The following ST13 variants were observed in gnomAD, a reference collection of about 807,000 sequenced individuals.
ST13 encodes the protein ST13 Hsp70 interacting protein, also known as hsc70-interacting protein.
In ST13, 23 loss-of-function variants were observed where a neutral mutation model predicts 56.7. The ratio of observed to expected loss-of-function variants is 0.41; its 90% CI spans 0.29 to 0.57. ST13 has a LOEUF of 0.57. Among genes scored for constraint, ST13 ranks in the 20% least tolerant of loss-of-function variants. The pLI, the probability that ST13 is intolerant of heterozygous loss-of-function variation, is 0.36. For synonymous variants in ST13, 132 were observed against 142.4 expected (o/e 0.93, Z 0.52); for missense variants, 369 against 459.9 (o/e 0.80, Z 1.81).
chr22:40,852,879 C>T (rs1175535225), intron 1 of ST13, among the ~76,000 whole-genome samples: 1 of 152,140 alleles, frequency 6.6e-6, no homozygotes, highest in Non-Finnish European at 1.5e-5. Flanking sequence ...CTGTGTTCTT[C>T]CTAAGTTTCA....
At chr22:40,840,864 G>A (rs1191773646) in intron 4 of ST13, among the ~76,000 whole-genome samples, 172 bp from the exon 5 acceptor site, 4 of 152,044 alleles carry the variant, frequency 2.6e-5, no homozygotes, top group Admixed American at 6.6e-5. Flanking sequence ...AATTACATAC[G>A]AGTTTTAACC....
Position 40,830,836 on chromosome 22 carries a change from T to G in ST13, c.798+4A>C. The G allele has an allele frequency of 6.3e-7, 1 of 1,590,890 alleles. No individual in the cohort carries two copies. Among genetic ancestry groups the G allele is most frequent in the Non-Finnish European group, 8.6e-7 (1 of 1,167,256 alleles). ...CTTTCATGGCTTAGCTATAGGAAAT[T>G]TACCCTCTGGGCTCTCTCATGCTCT... On this transcript the variant is annotated splice_donor_region_variant and intron_variant, in intron 9 of 11. Coordinates refer to ENST00000216218, the MANE Select transcript of ST13 (RefSeq NM_003932.5).
At chr22:40,838,624 T>G (rs913689087) in intron 5 of ST13, among the ~76,000 whole-genome samples, 4 of 151,422 alleles carry the variant, frequency 2.6e-5, no homozygotes, top group Non-Finnish European at 5.9e-5. Flanking sequence ...GAGATAATAA[T>G]TAGCCAGGCA....
rs1052192794 is a variant in ST13 at position 40,837,925 on chromosome 22, A to T, written c.383-2038T>A. Among the ~76,000 whole-genome samples the T allele has an allele frequency of 2.6e-5, 4 of 152,150 alleles. No homozygotes were observed. In the South Asian group the frequency reaches 8.3e-4, roughly 32 times the overall value. On this transcript the variant is annotated intron_variant, in intron 5 of 11. Transcript: ENST00000216218. ...GGCCCCTCAAAGTGCTGGGATTGTT[A>T]AGTGTGAACCACCACGCCCACTCAA...
At chr22:40,829,332 G>A (rs906526481) in intron 10 of ST13, among the ~76,000 whole-genome samples, 4 of 152,094 alleles carry the variant, frequency 2.6e-5, no homozygotes, top group African/African-American at 7.2e-5. Context: ...AATCTTCTGC[G>A]TGCCTTTTCC....
At position 40,835,648 on chromosome 22, in the gene ST13, G is replaced by C; in HGVS notation, c.490C>G (p.Pro164Ala). 6.2e-7 allele frequency: 1 copy of C among 1,613,888 alleles called. No homozygotes were observed. Among genetic ancestry groups the C allele is most frequent in the East Asian group, 2.2e-5 (1 of 44,882 alleles). Reference protein sequence around the residue: ...RASVFVKLQKPNAAIRDCDRA... With the variant: ...RASVFVKLQKANAAIRDCDRA... ...TCACAGTCTCGGATGGCAGCATTTG[G>C]CTTCTGTAATTTGACGAAGACACTG... is the stretch of plus-strand genomic sequence containing the variant. Residue 164 changes from proline (P) to alanine (A), a missense_variant, in exon 7 of 12, where the codon CCA (proline) becomes GCA (alanine). By Grantham distance (27) the Pro-to-Ala change is conservative. Around this residue, in one of 3 missense-constraint regions of ST13, gnomAD observed 64 missense variants for 125.1 expected, o/e 0.51. Transcript: ENST00000216218.
intron 7 of ST13, among the ~76,000 whole-genome samples, chr22:40,834,031 C>T (rs2057766188): frequency 6.6e-6 from 1 of 152,156 alleles, no homozygotes; most frequent in Non-Finnish European, 1.5e-5. Context: ...AATCCCAATG[C>T]TTTGGGAGGG....
At chr22:40,839,723 C>T (rs1176919537) in intron 5 of ST13, among the ~76,000 whole-genome samples, 1 of 151,542 alleles carries the variant, frequency 6.6e-6, no homozygotes, top group East Asian at 1.9e-4. Flanking sequence ...GATCACGCCA[C>T]TGCATTCCAG....
chr22:40,830,762 A>G, intron 9 of ST13, 78 bp downstream of exon 9: 1 of 808,680 alleles, frequency 1.2e-6, no homozygotes, highest in Admixed American at 2.4e-5. Context: ...AAGAGCCAGG[A>G]ATTAAAATTT....
rs118051511 is a variant in ST13, at chr22:40,855,062, T to C, written c.110+1369A>G. 6.6e-5 allele frequency among the ~76,000 whole-genome samples: 10 copies of C among 152,296 alleles called. No homozygotes were observed. The East Asian group carries it at 1.7e-3, about 26-fold the overall frequency. Reference sequence around the variant, plus strand: ...CTTCTTAGAGGAAAAAAATACAACATACAACGCTGACAGATTGTAACGAGT... The same window carrying C: ...CTTCTTAGAGGAAAAAAATACAACACACAACGCTGACAGATTGTAACGAGT... On this transcript the variant is annotated intron_variant, in intron 1 of 11. Coordinates refer to ENST00000216218, the MANE Select transcript of ST13 (RefSeq NM_003932.5).
At position 40,827,136 on chromosome 22, in the gene ST13, T is replaced by A; in HGVS notation, c.941A>T (p.Asn314Ile). The A allele has an allele frequency of 1.2e-6, 2 of 1,612,300 alleles. No homozygotes were observed. The highest frequency in any genetic ancestry group is 1.7e-6 in the Non-Finnish European group (2 of 1,179,968). ...MPGMAGMPGLNEILSDPEVLA... is the reference protein window; with the variant it reads ...MPGMAGMPGLIEILSDPEVLA... The stretch of plus-strand genomic sequence containing the variant: ...AACCTCTGGATCACTAAGAATTTCA[T>A]TGAGTCCAGGCATTCCAGCCATTCC... Residue 314 changes from asparagine to isoleucine, a missense_variant, in exon 11 of 12, where the codon AAT becomes ATT. Asn to Ile is a moderately radical substitution (Grantham distance 149, BLOSUM62 -3). Transcript: ENST00000216218.
At chr22:40,836,339 C>T (rs80685) in intron 5 of ST13, among the ~76,000 whole-genome samples, 150,816 of 152,354 alleles carry the variant, frequency 0.99, 74,655 homozygotes, top group Middle Eastern at 1. Flanking sequence ...TAGTCCCAGC[C>T]ACTTGGGAGG....
chr22:40,855,125 T>C (rs1384371891), intron 1 of ST13, among the ~76,000 whole-genome samples: 2 of 152,214 alleles, frequency 1.3e-5, no homozygotes, highest in African/African-American at 4.8e-5. Flanking sequence ...AGAAATATTC[T>C]TTGAGCTATT....
rs1242719807 is a variant in ST13 at position 40,826,611 on chromosome 22, G to A, written c.1037C>T (p.Ser346Leu). Residue 346 changes from serine (S) to leucine (L), a missense_variant, in exon 12 of 12, where the codon TCA becomes TTA. By Grantham distance (145) the Ser-to-Leu change is moderately radical (BLOSUM62 -2). Transcript: ENST00000216218. The stretch of plus-strand genomic sequence containing the variant: ...AACCTTTGGGTTGCTCTGGTATTTT[G>A]ACATATTTGCTGGGTTCTGAGCCAC... ...QDVAQNPANM[S>L]KYQSNPKVMN... 1.9e-6 allele frequency: 3 copies of A among 1,605,998 alleles called. No individual in the cohort carries two copies. Among genetic ancestry groups the A allele is most frequent in the Non-Finnish European group, 2.5e-6 (3 of 1,179,758 alleles).
intron 1 of ST13, 68 bp from the exon 2 acceptor site, chr22:40,850,948 C>T (rs2266787): frequency 0.071 from 82,170 of 1,163,096 alleles, 5,248 homozygotes; most frequent in African/African-American, 0.3. Flanking sequence ...AACGTATTTA[C>T]ACCTAAAAAA....
chr22:40,849,195 A>C (rs1002464806), intron 2 of ST13, among the ~76,000 whole-genome samples: 5 of 152,106 alleles, frequency 3.3e-5, no homozygotes, highest in African/African-American at 4.8e-5. Flanking sequence ...ATTAGAACCA[A>C]GGCAGGGCGC....
intron 5 of ST13, among the ~76,000 whole-genome samples, chr22:40,838,885 T>C (rs1272201940): frequency 6.7e-6 from 1 of 149,718 alleles, no homozygotes; most frequent in African/African-American, 2.5e-5. Flanking sequence ...GAAGAAAAGC[T>C]TTCCAGAGAA....
intron 10 of ST13, among the ~76,000 whole-genome samples, chr22:40,828,982 A>G (rs891571145): frequency 2.0e-5 from 3 of 152,226 alleles, no homozygotes; most frequent in Non-Finnish European, 4.4e-5. Context: ...ATATCTGACA[A>G]TAAGATTATT....
At chr22:40,831,786 T>C (rs773424176) in intron 8 of ST13, among the ~76,000 whole-genome samples, 3 of 152,218 alleles carry the variant, frequency 2.0e-5, no homozygotes, top group South Asian at 2.1e-4. Flanking sequence ...CAATTTTAGA[T>C]AAAAATCATC....
Sources: gnomAD v4.1 joint callset for allele counts (sites outside exome capture counted in the v4.1 genomes callset) on GRCh38, gnomAD v4.1.1 for gene constraint, gnomAD v4.1.1 regional missense constraint, MANE v1.5 for transcripts, NCBI Gene and HGNC (gene_info 2026-07-23, HGNC 2026-07-21) for gene names.